UNC13B: variants seen among roughly 807,000 people sequenced by gnomAD.
UNC13B encodes unc-13 homolog B, also known as protein unc-13 homolog B.
UNC13B carries 144 observed loss-of-function variants against 211.0 expected under a neutral mutation model. That is an observed-to-expected ratio of 0.68 (90% CI 0.60 to 0.78). The LOEUF is 0.78. Ranked by LOEUF, UNC13B falls within the 30% of genes least tolerant of loss-of-function variation. UNC13B has a pLI of 0.00. For synonymous variants in UNC13B, 709 were observed against 725.8 expected (o/e 0.98, Z 0.37); for missense variants, 1,777 against 2,002.0 (o/e 0.89, Z 2.14).
At chr9:35,215,992 A>G (rs1824227088) in intron 1 of UNC13B, among the ~76,000 whole-genome samples, 1 of 152,230 alleles carries the variant, frequency 6.6e-6, no homozygotes, top group Admixed American at 6.5e-5. Context: ...AGTCCTAAAG[A>G]CATTGTTAAA....
At chr9:35,205,920 A>G (rs1361502171) in intron 1 of UNC13B, among the ~76,000 whole-genome samples, 1 of 152,136 alleles carries the variant, frequency 6.6e-6, no homozygotes. Flanking sequence ...ACAGTGGCTC[A>G]TGCTTGTAAT....
chr9:35,238,773 G>A (rs1194125763), intron 5 of UNC13B, among the ~76,000 whole-genome samples: 2 of 151,726 alleles, frequency 1.3e-5, no homozygotes, highest in East Asian at 3.9e-4. Flanking sequence ...GGTCAGGCTG[G>A]TCTTGAACTC....
At position 35,370,415 on chromosome 9, in the gene UNC13B, G is replaced by T; in HGVS notation, c.9540+19G>T. The T allele has an allele frequency of 6.2e-7, 1 of 1,611,590 alleles. No homozygotes were observed. The highest frequency in any genetic ancestry group is 8.5e-7 in the Non-Finnish European group (1 of 1,178,728). On this transcript the variant is annotated intron_variant, in intron 13 of 39. Transcript: ENST00000635942. ...TGATCTGGTGAGTGAAGACTCTTGTGCAGGCATAGGCAGTAGCCTTGGGGT... is the reference window on the plus strand; with the variant it reads ...TGATCTGGTGAGTGAAGACTCTTGTTCAGGCATAGGCAGTAGCCTTGGGGT...
chr9:35,223,730 C>T (rs1824687540), intron 1 of UNC13B, among the ~76,000 whole-genome samples: 1 of 152,000 alleles, frequency 6.6e-6, no homozygotes, highest in South Asian at 2.1e-4. Flanking sequence ...GAAGTCTTAG[C>T]CATAAAATCT....
Position 35,304,534 on chromosome 9 carries a change from A to C in UNC13B, c.5130A>C (p.Ser1710=), listed in dbSNP as rs1829837363. ...DKNQPLAEDS[S]VHLSSFHWLQ... is the part of the protein sequence containing the mutation. ...ACCAGCCTCTAGCTGAAGATTCATCAGTTCACCTTTCCAGTTTCCATTGGC... is the reference window on the plus strand; with the variant it reads ...ACCAGCCTCTAGCTGAAGATTCATCCGTTCACCTTTCCAGTTTCCATTGGC... The change falls in exon 9 of 40, where the codon TCA becomes TCC. Residue 1710 remains serine, a synonymous_variant. Coordinates refer to ENST00000635942, the MANE Select transcript of UNC13B (RefSeq NM_001371189.2). The C allele has an allele frequency of 2.5e-6, 1 of 398,698 alleles. No homozygotes were observed. Among genetic ancestry groups the C allele is most frequent in the Non-Finnish European group, 4.4e-6 (1 of 225,918 alleles). The allele number at this position is 398,698 out of a possible 1,614,324, so 24.7% of individuals were successfully genotyped here. A position where few individuals can be genotyped will look rare whatever the true frequency, so the allele number is the denominator to read the frequency against.
chr9:35,307,272 T>A lies in UNC13B; in HGVS notation c.7868T>A (p.Val2623Glu), dbSNP rs192409474. 61 of 398,952 alleles carry A rather than the reference T, an allele frequency of 1.5e-4. No individual in the cohort carries two copies. The East Asian group carries it at 2.1e-3, about 14-fold the overall frequency. 24.7% of individuals were successfully genotyped at this position (398,952 alleles called of 1,614,324 possible). The change falls in exon 9 of 40, where the codon GTA becomes GAA. Residue 2623 changes from valine to glutamate, a missense_variant. Val to Glu is a moderately radical substitution (Grantham distance 121). Transcript: ENST00000635942. ...SFSGDDTGQG[V>E]LSLSDEGDMG... The stretch of plus-strand genomic sequence containing the variant: ...TCGGGTGATGATACTGGGCAAGGAG[T>A]ATTGTCTCTGAGTGATGAAGGAGAC...
chr9:35,334,339 G>A (rs1831536323), intron 11 of UNC13B, among the ~76,000 whole-genome samples: 4 of 152,188 alleles, frequency 2.6e-5, no homozygotes, highest in African/African-American at 9.7e-5. Context: ...GGGCCCAGGG[G>A]CTAAAGTTTA....
intron 3 of UNC13B, 73 bp from the exon 4 acceptor site, chr9:35,236,396 A>G (rs1825511217): frequency 8.0e-7 from 1 of 1,244,562 alleles, no homozygotes; most frequent in Non-Finnish European, 1.1e-6. Context: ...TTCAAAGTTT[A>G]GCAAAACAGG....
intron 11 of UNC13B, chr9:35,352,660 CAAG>C: frequency 1.6e-6 from 2 of 1,231,998 alleles, no homozygotes; most frequent in Non-Finnish European, 2.0e-6. Flanking sequence ...GCTTTCTACT[CAAG>C]AACAATTTAT....
intron 1 of UNC13B, among the ~76,000 whole-genome samples, chr9:35,203,830 C>A (rs1823474836): frequency 6.6e-6 from 1 of 152,220 alleles, no homozygotes; most frequent in Non-Finnish European, 1.5e-5. Flanking sequence ...AAAAGAAAAA[C>A]CCCATTTTCA....
At position 35,315,054 on chromosome 9, in the gene UNC13B, A is replaced by T. The variant is rs539721126; in HGVS notation, c.9414+1065A>T. On this transcript the variant is annotated intron_variant, in intron 11 of 39. Coordinates refer to ENST00000635942, the MANE Select transcript of UNC13B (RefSeq NM_001371189.2). ...ACCATGCCTGGCTAATTTAAAAAAAATTTTTTTTTTTTTTTTTTGTAGATG... is the reference window on the plus strand; with the variant it reads ...ACCATGCCTGGCTAATTTAAAAAAATTTTTTTTTTTTTTTTTTTGTAGATG... Among the ~76,000 whole-genome samples, 334 of 135,382 alleles carry T rather than the reference A, an allele frequency of 2.5e-3. 1 individual carries two copies. The highest frequency in any genetic ancestry group is 4.0e-3 in the Admixed American group (55 of 13,594). 88.8% of individuals were successfully genotyped at this position (135,382 alleles called of 152,430 possible).
Position 35,385,822 on chromosome 9 carries a change from T to A in UNC13B, c.10965+9T>A, listed in dbSNP as rs757619857. ...CTTTCTTCAGAATGAAGGTAAGAAA[T>A]GGACTGGGGCTTGGGTGGTGCTGGG... On this transcript the variant is annotated intron_variant, in intron 23 of 39. Coordinates refer to ENST00000635942, the MANE Select transcript of UNC13B (RefSeq NM_001371189.2). The A allele has an allele frequency of 2.5e-6, 4 of 1,604,428 alleles. No homozygotes were observed. In the East Asian group the frequency reaches 6.7e-5, roughly 27 times the overall value.
intron 7 of UNC13B, among the ~76,000 whole-genome samples, chr9:35,288,785 C>T (rs1483777462): frequency 6.6e-6 from 1 of 152,258 alleles, no homozygotes; most frequent in East Asian, 1.9e-4. Context: ...GTATAAGAAA[C>T]TGCTGTGGGG....
chr9:35,330,986 C>T (rs1831337883), intron 11 of UNC13B, among the ~76,000 whole-genome samples: 1 of 152,150 alleles, frequency 6.6e-6, no homozygotes, highest in Non-Finnish European at 1.5e-5. Flanking sequence ...GGCATAGTAT[C>T]AATAAAGGGA....
chr9:35,399,662 G>T lies in UNC13B; in HGVS notation c.12269G>T (p.Arg4090Leu). The T allele has an allele frequency of 6.2e-7, 1 of 1,614,088 alleles. No individual in the cohort carries two copies. The highest frequency in any genetic ancestry group is 8.5e-7 in the Non-Finnish European group (1 of 1,180,010). The stretch of plus-strand genomic sequence containing the variant: ...TTCTCTGAACAGGATCACATGGTAC[G>T]AGAGGAAACACGGAATCTCACTCCA... ...HLSKLKDHMV[R>L]EETRNLTPKQ... Residue 4090 changes from arginine (R) to leucine (L), a missense_variant, in exon 36 of 40, where the codon CGA (arginine) becomes CTA (leucine). Arg to Leu is a moderately radical substitution (Grantham distance 102). Transcript: ENST00000635942.
chr9:35,252,021 A>T (rs960319923), intron 6 of UNC13B, among the ~76,000 whole-genome samples: 1 of 152,090 alleles, frequency 6.6e-6, no homozygotes, highest in Non-Finnish European at 1.5e-5. Context: ...AAAATCATTC[A>T]CTTTCCCTCA....
chr9:35,187,321 C>T (rs1333107074), intron 1 of UNC13B, among the ~76,000 whole-genome samples: 1 of 152,214 alleles, frequency 6.6e-6, no homozygotes, highest in African/African-American at 2.4e-5. Flanking sequence ...CCAGAACTAG[C>T]ATATTGATCC....
intron 11 of UNC13B, among the ~76,000 whole-genome samples, chr9:35,347,887 G>A (rs1037594979): frequency 7.2e-5 from 11 of 152,100 alleles, no homozygotes; most frequent in South Asian, 4.1e-4. Context: ...AGCCAGTGTC[G>A]TAAGCACTGT....
chr9:35,206,096 G>A (rs1330408062), intron 1 of UNC13B, among the ~76,000 whole-genome samples: 2 of 152,074 alleles, frequency 1.3e-5, no homozygotes, highest in Non-Finnish European at 2.9e-5. Flanking sequence ...GAGGTAGGAG[G>A]ATCACTAAGC....
Sources: gnomAD v4.1 joint callset for allele counts (sites outside exome capture counted in the v4.1 genomes callset) on GRCh38, gnomAD v4.1.1 for gene constraint, MANE v1.5 for transcripts, NCBI Gene and HGNC (gene_info 2026-07-23, HGNC 2026-07-21) for gene names.